RSPO2: variants seen among roughly 807,000 people sequenced by gnomAD.
RSPO2 encodes R-spondin 2, also known as R-spondin-2.
A neutral mutation model predicts 30.9 loss-of-function variants in RSPO2; 14 were observed. That is an observed-to-expected ratio of 0.45 (90% confidence interval 0.30 to 0.71). The LOEUF (loss-of-function observed/expected upper bound fraction) is 0.71, where lower values mean the gene tolerates loss of function less well. Ranked by LOEUF, RSPO2 falls within the 30% of genes least tolerant of loss-of-function variation. The pLI, the probability that RSPO2 is intolerant of heterozygous loss-of-function variation, is 0.08. For synonymous variants in RSPO2, 107 were observed against 96.4 expected (o/e 1.11, Z -0.64); for missense variants, 264 against 301.9 (o/e 0.87, Z 0.93).
At chr8:108,051,381 C>A (rs1812074934) in intron 2 of RSPO2, among the ~76,000 whole-genome samples, 1 of 152,108 alleles carries the variant, frequency 6.6e-6, no homozygotes, top group African/African-American at 2.4e-5. Flanking sequence ...GCAGTTCCAC[C>A]AGCAGGGGGA....
chr8:108,052,877 C>A lies in RSPO2; in HGVS notation c.94+29668G>T, dbSNP rs115236676. On this transcript the variant is annotated intron_variant, in intron 2 of 5. Transcript: ENST00000276659. ...AGAAATATGAATTTTATTGGTAGAA[C>A]GGCTCTTGGGATCATATAGTCCAAA... Among the ~76,000 whole-genome samples the A allele has an allele frequency of 5.5e-3, 841 of 151,948 alleles. 13 individuals carry two copies. Among genetic ancestry groups the A allele is most frequent in the African/African-American group, 0.019 (803 of 41,498 alleles).
chr8:107,904,287 A>T (rs766714531), intron 5 of RSPO2, among the ~76,000 whole-genome samples: 3 of 151,962 alleles, frequency 2.0e-5, no homozygotes, highest in Non-Finnish European at 4.4e-5. Context: ...CGCATAATTC[A>T]AGTCATGAAT....
intron 2 of RSPO2, among the ~76,000 whole-genome samples, chr8:108,026,410 A>G (rs553746499): frequency 3.9e-5 from 6 of 152,322 alleles, no homozygotes; most frequent in Admixed American, 6.5e-5. Flanking sequence ...TAACAGTATT[A>G]TATCAGTGCT....
intron 5 of RSPO2, among the ~76,000 whole-genome samples, chr8:107,909,117 C>G (rs554623177): frequency 6.6e-6 from 1 of 152,102 alleles, no homozygotes; most frequent in Admixed American, 6.6e-5. Flanking sequence ...CTGTAGTCCA[C>G]TTCTGCAAGG....
At chr8:107,968,349 G>A (rs935008979) in intron 3 of RSPO2, among the ~76,000 whole-genome samples, 1 of 152,098 alleles carries the variant, frequency 6.6e-6, no homozygotes, top group Non-Finnish European at 1.5e-5. Context: ...GCCAGGCACA[G>A]AAAGACAAAT....
intron 2 of RSPO2, among the ~76,000 whole-genome samples, chr8:108,011,301 T>A (rs1043786214): frequency 3.3e-5 from 5 of 151,996 alleles, no homozygotes; most frequent in Admixed American, 6.6e-5. Flanking sequence ...CTTAGGACAT[T>A]TCTAACCTTT....
chr8:108,003,299 ATATATATATATATTTTTTTTTT>A (rs1563559061), intron 2 of RSPO2, among the ~76,000 whole-genome samples: 4 of 23,290 alleles, frequency 1.7e-4, no homozygotes, highest in African/African-American at 7.7e-4. Flanking sequence ...ATATATATAT[ATATATATATATATTTTTTTTTT>A]TTTTTTTTTT....
chr8:107,988,369 A>T (rs1814722099), intron 3 of RSPO2, among the ~76,000 whole-genome samples: 1 of 151,996 alleles, frequency 6.6e-6, no homozygotes, highest in African/African-American at 2.4e-5. Flanking sequence ...AAGAAGCTAT[A>T]GAAATTGGTA....
intron 5 of RSPO2, among the ~76,000 whole-genome samples, chr8:107,907,729 C>T (rs781509706): frequency 8.5e-5 from 13 of 152,092 alleles, no homozygotes; most frequent in South Asian, 2.1e-4. Context: ...TTACTACCTG[C>T]ACAGGTTTAC....
chr8:107,974,260 G>A (rs895822396), intron 3 of RSPO2, among the ~76,000 whole-genome samples: 61 of 151,290 alleles, frequency 4.0e-4, no homozygotes, highest in African/African-American at 1.5e-3. Flanking sequence ...GCCGAGGCAG[G>A]AGGGTCACAT....
chr8:108,024,435 T>TAA (rs557656370), intron 2 of RSPO2, among the ~76,000 whole-genome samples: 5 of 141,296 alleles, frequency 3.5e-5, no homozygotes, highest in South Asian at 2.2e-4. Context: ...TACTGTTAAG[T>TAA]AAAAAAAAAA....
At chr8:107,901,619 C>T (rs953280580) in intron 5 of RSPO2, among the ~76,000 whole-genome samples, 4 of 152,280 alleles carry the variant, frequency 2.6e-5, no homozygotes, top group African/African-American at 9.6e-5. Flanking sequence ...AAACTCCTCT[C>T]TCCCTTTCCC....
chr8:107,991,770 C>A (rs760299551), intron 2 of RSPO2, among the ~76,000 whole-genome samples: 66 of 152,076 alleles, frequency 4.3e-4, no homozygotes, highest in Non-Finnish European at 7.5e-4. Flanking sequence ...ACGTGGCCAA[C>A]AATCATATGA....
intron 3 of RSPO2, among the ~76,000 whole-genome samples, chr8:107,979,609 G>C (rs1471763611): frequency 6.6e-6 from 1 of 151,836 alleles, no homozygotes; most frequent in Non-Finnish European, 1.5e-5. Flanking sequence ...AGCACAACAT[G>C]GCACATGTAT....
intron 2 of RSPO2, among the ~76,000 whole-genome samples, chr8:108,080,096 T>A (rs1813146633): frequency 6.6e-6 from 1 of 152,200 alleles, no homozygotes; most frequent in South Asian, 2.1e-4. Flanking sequence ...AGAGGGACAA[T>A]TCACACAACT....
At chr8:108,010,191 G>A (rs927677226) in intron 2 of RSPO2, among the ~76,000 whole-genome samples, 5 of 152,312 alleles carry the variant, frequency 3.3e-5, no homozygotes, top group Admixed American at 1.3e-4. Context: ...CCAATTATCT[G>A]CTTAGACAAA....
At chr8:107,925,426 T>C (rs1485559548) in intron 5 of RSPO2, among the ~76,000 whole-genome samples, 1 of 151,724 alleles carries the variant, frequency 6.6e-6, no homozygotes, top group Non-Finnish European at 1.5e-5. Context: ...TTATTATACT[T>C]TAAGTTCTAG....
At chr8:108,023,350 C>T (rs142498182) in intron 2 of RSPO2, among the ~76,000 whole-genome samples, 130 of 152,242 alleles carry the variant, frequency 8.5e-4, no homozygotes, top group Middle Eastern at 3.4e-3. Context: ...CATTCAAATA[C>T]AGAGCTTAGA....
chr8:107,996,242 T>C lies in RSPO2; in HGVS notation c.95-6998A>G, dbSNP rs149365201. Among the ~76,000 whole-genome samples the C allele has an allele frequency of 4.0e-3, 612 of 152,222 alleles. 5 individuals carry two copies. Among genetic ancestry groups the C allele is most frequent in the African/African-American group, 0.014 (589 of 41,530 alleles). ...ATCCAACTCTTGTTCATTTTCAGGG[T>C]TGTCCAAGATTGTAACCCACCTTAA... On this transcript the variant is annotated intron_variant, in intron 2 of 5. Transcript: ENST00000276659.
Sources: allele counts gnomAD v4.1 joint callset (sites outside exome capture counted in the v4.1 genomes callset), GRCh38; gene constraint gnomAD v4.1.1; transcripts MANE v1.5; gene names NCBI Gene and HGNC (gene_info 2026-07-23, HGNC 2026-07-21).